TMEM45A: variants seen among roughly 807,000 people sequenced by gnomAD.
TMEM45A encodes the protein DNA polymerase-transactivated protein 4.
In TMEM45A, 25 loss-of-function variants were observed where a neutral mutation model predicts 32.0. That is an observed-to-expected ratio of 0.78 (90% CI 0.57 to 1.09). The LOEUF (loss-of-function observed/expected upper bound fraction) is 1.09. TMEM45A is among the 50% of genes least tolerant of loss of function. The probability of loss-of-function intolerance (pLI) is 0.00; values close to 1 mark genes in which losing one functional copy is unlikely to be tolerated. For synonymous variants in TMEM45A, 122 were observed against 114.8 expected (o/e 1.06, Z -0.40); for missense variants, 302 against 325.0 (o/e 0.93, Z 0.54).
chr3:100,493,868 A>G (rs954226154), intron 1 of TMEM45A, among the ~76,000 whole-genome samples: 25 of 152,130 alleles, frequency 1.6e-4, no homozygotes, highest in African/African-American at 6.0e-4. Flanking sequence ...AGTAGCTGGG[A>G]TTACAGATGG....
chr3:100,538,644 T>C (rs2148963884), intron 1 of TMEM45A, among the ~76,000 whole-genome samples: 1 of 152,348 alleles, frequency 6.6e-6, no homozygotes, highest in Non-Finnish European at 1.5e-5. Flanking sequence ...GATGGCATAA[T>C]TGTTCATGTA....
chr3:100,565,801 T>C (rs1423232477), intron 4 of TMEM45A, among the ~76,000 whole-genome samples: 2 of 152,188 alleles, frequency 1.3e-5, no homozygotes, highest in Non-Finnish European at 2.9e-5. Flanking sequence ...ATAACATTAA[T>C]ATTTTTAAAG....
In TMEM45A at chr3:100,556,643, AAGAATTAATGTCAAAAGAGGAC is replaced by A. The variant is rs149690468; in HGVS notation, c.191-115_191-94del. 15,415 of 1,008,310 alleles carry A rather than the reference AAGAATTAATGTCAAAAGAGGAC, an allele frequency of 0.015. 1,456 individuals carry two copies. In the African/African-American group the frequency reaches 0.21, roughly 14 times the overall value. 62.5% of individuals were successfully genotyped at this position (1,008,310 alleles called of 1,614,324 possible). A position where few individuals can be genotyped will look rare whatever the true frequency, so the allele number is the denominator to read the frequency against. On this transcript the variant is annotated intron_variant, in intron 2 of 5. Coordinates refer to ENST00000323523, the MANE Select transcript of TMEM45A (RefSeq NM_018004.3). ...AGCTGTTAGGGAACAGCTCAGAGAG[AAGAATTAATGTCAAAAGAGGAC>A]ATTAGATTGGAATAAGCAATGGACT...
chr3:100,558,532 A>G lies in TMEM45A; in HGVS notation c.531A>G (p.Val177=), dbSNP rs372488175. The stretch of plus-strand genomic sequence containing the variant: ...TAGAGTTCCTTGTTCGGAACAATGT[A>G]CTTCTGGAGCTATTGCGGTCAAGTC... ...AFLEFLVRNN[V]LLELLRSSLI... The change falls in exon 4 of 6, where the codon GTA becomes GTG. Residue 177 remains valine, a synonymous_variant. Transcript: ENST00000323523. The G allele has an allele frequency of 5.6e-5, 90 of 1,614,092 alleles. No individual in the cohort carries two copies. The African/African-American group carries it at 1.2e-3, about 21-fold the overall frequency.
intron 1 of TMEM45A, among the ~76,000 whole-genome samples, chr3:100,504,914 C>A (rs1708058498): frequency 6.6e-6 from 1 of 152,152 alleles, no homozygotes; most frequent in Non-Finnish European, 1.5e-5. Flanking sequence ...GTGAACTCAG[C>A]CTGAAGATGC....
At chr3:100,520,763 C>T (rs1705423016) in intron 1 of TMEM45A, among the ~76,000 whole-genome samples, 1 of 152,156 alleles carries the variant, frequency 6.6e-6, no homozygotes, top group African/African-American at 2.4e-5. Flanking sequence ...TCTGCCTTCA[C>T]CATTTCCTGA....
intron 4 of TMEM45A, among the ~76,000 whole-genome samples, chr3:100,566,882 T>C (rs1706452285): frequency 3.3e-5 from 5 of 152,160 alleles, no homozygotes. Flanking sequence ...ATATTCTAGA[T>C]ATAATCTCAT....
intron 1 of TMEM45A, among the ~76,000 whole-genome samples, chr3:100,536,633 C>A (rs1220298538): frequency 2.0e-5 from 3 of 152,116 alleles, no homozygotes; most frequent in South Asian, 2.1e-4. Context: ...CTCTGAAGAA[C>A]CTTAGAGGCA....
chr3:100,506,198 G>A (rs1315305051), intron 1 of TMEM45A, among the ~76,000 whole-genome samples: 3 of 152,246 alleles, frequency 2.0e-5, no homozygotes, highest in African/African-American at 7.2e-5. Flanking sequence ...TGGTAGAACA[G>A]TCAGGAGGGC....
intron 1 of TMEM45A, among the ~76,000 whole-genome samples, chr3:100,505,882 G>A (rs765670177): frequency 2.6e-5 from 4 of 152,318 alleles, no homozygotes; most frequent in Non-Finnish European, 5.9e-5. Context: ...AGGAACTCAA[G>A]TGCAATTCAG....
intron 5 of TMEM45A, chr3:100,570,699 C>T (rs1291901061): frequency 6.6e-6 from 1 of 152,278 alleles, no homozygotes; most frequent in African/African-American, 2.4e-5. Flanking sequence ...ATGTCAGCTC[C>T]CCTCCAGAGC....
At chr3:100,552,249 C>T (rs191703285) in intron 1 of TMEM45A, among the ~76,000 whole-genome samples, 56 of 152,170 alleles carry the variant, frequency 3.7e-4, no homozygotes, top group African/African-American at 1.3e-3. Flanking sequence ...AGGCATTTAA[C>T]CTCTGAGGTG....
intron 1 of TMEM45A, among the ~76,000 whole-genome samples, 192 bp downstream of exon 1, chr3:100,493,120 CTTTTT>C (rs570241165): frequency 5.2e-5 from 6 of 115,918 alleles, no homozygotes; most frequent in African/African-American, 6.9e-5. Context: ...GTTTGCTATT[CTTTTT>C]TTTTTTTTTT....
At chr3:100,517,106 GA>G (rs1282629879) in intron 1 of TMEM45A, among the ~76,000 whole-genome samples, 6 of 121,544 alleles carry the variant, frequency 4.9e-5, no homozygotes, top group Non-Finnish European at 8.3e-5. Flanking sequence ...ACGTGGGAAT[GA>G]AATTTTTCTT....
chr3:100,547,184 C>CGATCTTG (rs1487103726), intron 1 of TMEM45A, among the ~76,000 whole-genome samples: 1 of 151,954 alleles, frequency 6.6e-6, no homozygotes, highest in Non-Finnish European at 1.5e-5. Flanking sequence ...TGCAGTGGTA[C>CGATCTTG]GATCTTGGCT....
chr3:100,513,211 A>T (rs1708197416), intron 1 of TMEM45A, among the ~76,000 whole-genome samples: 1 of 151,596 alleles, frequency 6.6e-6, no homozygotes, highest in South Asian at 2.1e-4. Context: ...ATGAACATCG[A>T]TGCAAAAATC....
chr3:100,505,652 G>A (rs73860685), intron 1 of TMEM45A, among the ~76,000 whole-genome samples: 1 of 152,156 alleles, frequency 6.6e-6, no homozygotes, highest in African/African-American at 2.4e-5. Flanking sequence ...TTTTAAAGAA[G>A]TTCTGTTTCT....
intron 1 of TMEM45A, among the ~76,000 whole-genome samples, chr3:100,537,004 T>A (rs1236909848): frequency 6.6e-6 from 1 of 152,150 alleles, no homozygotes. Context: ...TCACTACAAC[T>A]TCCGCCTCCC....
chr3:100,518,720 C>T (rs1243448356), intron 1 of TMEM45A, among the ~76,000 whole-genome samples: 1 of 152,126 alleles, frequency 6.6e-6, no homozygotes, highest in Admixed American at 6.5e-5. Flanking sequence ...GTGAGGGGTG[C>T]AGACTGGAGT....
Sources: allele counts gnomAD v4.1 joint callset (sites outside exome capture counted in the v4.1 genomes callset), GRCh38; gene constraint gnomAD v4.1.1; transcripts MANE v1.5; gene names NCBI Gene and HGNC (gene_info 2026-07-23, HGNC 2026-07-21).